Variants in PRDM4 observed in about 807,000 individuals in gnomAD.
PRDM4 encodes PR domain zinc finger protein 4.
A neutral mutation model predicts 62.3 loss-of-function variants in PRDM4; 38 were observed. The observed-to-expected ratio is 0.61, with a 90% CI of 0.47 to 0.80. PRDM4 has a LOEUF of 0.80. PRDM4 is among the 30% of genes least tolerant of loss of function. The pLI, the probability that PRDM4 is intolerant of heterozygous loss-of-function variation, is 0.00. For missense variants in PRDM4, 858 were observed against 997.1 expected, an observed-to-expected ratio of 0.86 and a Z score of 1.88; for synonymous variants, 339 against 348.2, an observed-to-expected ratio of 0.97 and a Z score of 0.30.
chr12:107,759,178 T>TG (rs1261363033), intron 2 of PRDM4, among the ~76,000 whole-genome samples: 1 of 151,886 alleles, frequency 6.6e-6, no homozygotes, highest in African/African-American at 2.4e-5. Flanking sequence ...GAGGCTGAAG[T>TG]GGGGAGGTCG....
chr12:107,752,285 C>T (rs1386978526), intron 4 of PRDM4, 76 bp from the exon 5 acceptor site: 1 of 1,094,212 alleles, frequency 9.1e-7, no homozygotes, highest in African/African-American at 1.6e-5. Context: ...GACGCTATTT[C>T]CTTACAAACA....
At chr12:107,747,972 C>T (rs370923937) in intron 5 of PRDM4, among the ~76,000 whole-genome samples, 6 of 152,050 alleles carry the variant, frequency 3.9e-5, no homozygotes, top group South Asian at 2.1e-4. Flanking sequence ...AGGCTGGTCT[C>T]GAACGCATGA....
At chr12:107,738,964 C>T (rs531895840) in intron 11 of PRDM4, among the ~76,000 whole-genome samples, 3 of 151,806 alleles carry the variant, frequency 2.0e-5, no homozygotes, top group Non-Finnish European at 4.4e-5. Flanking sequence ...TTCAGTGTCT[C>T]GCCATTATTT....
intron 2 of PRDM4, among the ~76,000 whole-genome samples, chr12:107,758,032 A>T (rs1891115498): frequency 6.6e-6 from 1 of 152,050 alleles, no homozygotes; most frequent in Non-Finnish European, 1.5e-5. Context: ...TGCGTATGGG[A>T]GGGGGTGAAG....
intron 11 of PRDM4, among the ~76,000 whole-genome samples, chr12:107,735,248 A>G (rs1338046062): frequency 6.6e-6 from 1 of 152,194 alleles, no homozygotes. Flanking sequence ...AGCTAAATCA[A>G]AGGATATGCA....
intron 7 of PRDM4, among the ~76,000 whole-genome samples, chr12:107,744,231 A>G (rs746577558): frequency 1.3e-5 from 2 of 152,218 alleles, no homozygotes; most frequent in Admixed American, 6.5e-5. Flanking sequence ...TATCATACAA[A>G]CAAAGTCTGT....
At chr12:107,746,236 A>G (rs764925852) in intron 6 of PRDM4, 39 bp downstream of exon 6, 2 of 1,602,442 alleles carry the variant, frequency 1.2e-6, no homozygotes, top group South Asian at 2.2e-5. Context: ...ACAAAGGAAG[A>G]AGAGATGTAA....
intron 2 of PRDM4, among the ~76,000 whole-genome samples, chr12:107,759,414 C>T (rs1036539746): frequency 6.6e-6 from 1 of 152,138 alleles, no homozygotes; most frequent in Non-Finnish European, 1.5e-5. Context: ...CTGTAACAGC[C>T]TACTTAACAA....
In PRDM4 at chr12:107,751,539, C is replaced by G. The variant is rs145130750; in HGVS notation, c.1002G>C (p.Gln334His). Residue 334 changes from glutamine to histidine, a missense_variant, in exon 5 of 12, where the codon CAG becomes CAC. Transcript: ENST00000228437. ...CATGACCTGTCCCCATAGCAACCTC[C>G]TGGGTGATGGAGGAGACAGCCACAG... is the stretch of plus-strand genomic sequence containing the variant. ...LEPVAVSSITQEVAMGTGHVD... is the reference protein window; with the variant it reads ...LEPVAVSSITHEVAMGTGHVD... The G allele has an allele frequency of 7.2e-5, 116 of 1,612,530 alleles. 1 individual carries two copies. The Middle Eastern group carries it at 1.8e-3, about 25-fold the overall frequency.
intron 2 of PRDM4, chr12:107,758,235 C>CTTTTTTTTTTTTTTTTTTTTTTT (rs1891120941): frequency 8.1e-6 from 1 of 122,956 alleles, no homozygotes. Context: ...CTCTCTTAAT[C>CTTTTTTTTTTTTTTTTTTTTTTT]TTCTTTTTTT....
At chr12:107,754,754 A>G (rs1891009639) in intron 3 of PRDM4, 1 of 152,194 alleles carries the variant, frequency 6.6e-6, no homozygotes, top group African/African-American at 2.4e-5. Flanking sequence ...GGAAACATAA[A>G]ATGTTCATAG....
In PRDM4 at chr12:107,742,475, T is replaced by C. The variant is rs552544964; in HGVS notation, c.1482-127A>G. ...CTATTTACTATTTCCTCTGGAATGTTTTTGTAATTTCCCGTCCTATCTATG... is the reference window on the plus strand; with the variant it reads ...CTATTTACTATTTCCTCTGGAATGTCTTTGTAATTTCCCGTCCTATCTATG... On this transcript the variant is annotated intron_variant, in intron 8 of 11. Transcript: ENST00000228437. 7.0e-5 allele frequency: 80 copies of C among 1,143,364 alleles called. 1 individual carries two copies. The African/African-American group carries it at 1.1e-3, about 16-fold the overall frequency. 70.8% of individuals were successfully genotyped at this position (1,143,364 alleles called of 1,614,324 possible). A position where few individuals can be genotyped will look rare whatever the true frequency, so the allele number is the denominator to read the frequency against.
chr12:107,745,129 TA>T (rs1444522850), intron 6 of PRDM4, among the ~76,000 whole-genome samples: 1 of 58 alleles, frequency 0.017, no homozygotes. Flanking sequence ...TTGTGGGTCC[TA>T]GCCCTGTAAA....
chr12:107,757,975 A>C (rs1263360885), intron 2 of PRDM4, among the ~76,000 whole-genome samples: 1 of 152,166 alleles, frequency 6.6e-6, no homozygotes, highest in Non-Finnish European at 1.5e-5. Context: ...GGTTACCCAA[A>C]AGGGGCTCTC....
chr12:107,760,813 A>C, intron 1 of PRDM4, 42 bp from the exon 2 acceptor site: 1 of 340,462 alleles, frequency 2.9e-6, no homozygotes, highest in Non-Finnish European at 5.4e-6. Flanking sequence ...AACCACAACA[A>C]GGTCGCAGCC....
intron 11 of PRDM4, among the ~76,000 whole-genome samples, chr12:107,735,361 G>C (rs1890295173): frequency 6.6e-6 from 1 of 152,060 alleles, no homozygotes; most frequent in South Asian, 2.1e-4. Flanking sequence ...TTCTCAACTG[G>C]AAGACTCAAA....
In PRDM4 at chr12:107,744,930, C is replaced by G. The variant is rs187529813; in HGVS notation, c.1277-269G>C. ...CAAAAATTAGCTGGGCGTGGTGGCG[C>G]ACGCCTGTAGTCCCAGCTACTTGGG... On this transcript the variant is annotated intron_variant, in intron 6 of 11. Coordinates refer to ENST00000228437, the MANE Select transcript of PRDM4 (RefSeq NM_012406.4). Among the ~76,000 whole-genome samples the G allele has an allele frequency of 1.3e-4, 20 of 152,260 alleles. No individual in the cohort carries two copies. In the East Asian group the frequency reaches 3.7e-3, roughly 28 times the overall value.
Position 107,739,396 on chromosome 12 carries a change from G to C in PRDM4, c.2080C>G (p.Leu694Val), listed in dbSNP as rs747270273. 3.7e-6 allele frequency: 6 copies of C among 1,613,320 alleles called. No homozygotes were observed. In the South Asian group the frequency reaches 6.6e-5, roughly 18 times the overall value. ...MRRQDLKQHV[L>V]IHTQERQIKC... Reference sequence around the variant, plus strand: ...AGGGTAACTTACTGAGTGTGGATGAGCACGTGCTGCTTGAGGTCCTGCCTC... The same window carrying C: ...AGGGTAACTTACTGAGTGTGGATGACCACGTGCTGCTTGAGGTCCTGCCTC... Residue 694 changes from leucine (L) to valine (V), a missense_variant, in exon 11 of 12, where the codon CTC becomes GTC. Physicochemically the swap from Leu to Val is conservative, Grantham distance 32. Transcript: ENST00000228437.
chr12:107,736,299 G>T (rs541818994), intron 11 of PRDM4, among the ~76,000 whole-genome samples: 1 of 152,204 alleles, frequency 6.6e-6, no homozygotes, highest in African/African-American at 2.4e-5. Flanking sequence ...CACGAAGCCA[G>T]GTAAAAGTGA....
Sources: gnomAD v4.1 joint callset for allele counts (sites outside exome capture counted in the v4.1 genomes callset) on GRCh38, gnomAD v4.1.1 for gene constraint, MANE v1.5 for transcripts, NCBI Gene and HGNC (gene_info 2026-07-23, HGNC 2026-07-21) for gene names.